Variants in NEDD4L observed in about 807,000 individuals in gnomAD.
The protein encoded by NEDD4L is E3 ubiquitin-protein ligase NEDD4-like.
A neutral mutation model predicts 148.9 loss-of-function variants in NEDD4L; 54 were observed. The ratio of observed to expected loss-of-function variants is 0.36; its 90% confidence interval spans 0.29 to 0.45. The LOEUF (loss-of-function observed/expected upper bound fraction) is 0.45, where lower values mean the gene tolerates loss of function less well. Ranked by LOEUF, NEDD4L falls within the 20% of genes least tolerant of loss-of-function variation. The pLI is 1.00. For synonymous variants in NEDD4L, 433 were observed against 440.7 expected (o/e 0.98, Z 0.22); for missense variants, 856 against 1,233.8 (o/e 0.69, Z 4.59).
intron 6 of NEDD4L, among the ~76,000 whole-genome samples, chr18:58,319,050 C>T (rs2058544502): frequency 6.6e-6 from 1 of 152,184 alleles, no homozygotes; most frequent in African/African-American, 2.4e-5. Context: ...TGACCAACAT[C>T]CTTTTACCCC....
chr18:58,197,673 C>G (rs1418053757), intron 2 of NEDD4L: 1 of 152,526 alleles, frequency 6.6e-6, no homozygotes, highest in African/African-American at 2.4e-5. Flanking sequence ...CCCATGTGAT[C>G]CCTTCCCTGC....
At position 58,349,565 on chromosome 18, in the gene NEDD4L, A is replaced by C. The variant is rs375470869; in HGVS notation, c.1604A>C (p.His535Pro). 41 of 1,613,888 alleles carry C rather than the reference A, an allele frequency of 2.5e-5. No homozygotes were observed. Among genetic ancestry groups the C allele is most frequent in the Non-Finnish European group, 3.2e-5 (38 of 1,179,878 alleles). The change falls in exon 17 of 31, where the codon CAT (histidine) becomes CCT (proline). Residue 535 changes from histidine (H) to proline (P), a missense_variant. By Grantham distance (77) the His-to-Pro change is moderately conservative. Coordinates refer to ENST00000400345, the MANE Select transcript of NEDD4L (RefSeq NM_001144967.3). The stretch of plus-strand genomic sequence containing the variant: ...GATCCACGTTTGAAATTTCCAGTAC[A>C]TATGCGGTCAAAGACATCTTTAAAC... The part of the protein sequence containing the change: ...WEDPRLKFPV[H>P]MRSKTSLNPN...
intron 18 of NEDD4L, among the ~76,000 whole-genome samples, chr18:58,356,438 C>T (rs994215185): frequency 1.3e-5 from 2 of 152,058 alleles, no homozygotes; most frequent in African/African-American, 4.8e-5. Flanking sequence ...CACAGGAATC[C>T]GTAAGGTCTT....
chr18:58,244,798 C>T (rs913616815), intron 2 of NEDD4L, among the ~76,000 whole-genome samples: 3 of 152,204 alleles, frequency 2.0e-5, no homozygotes, highest in East Asian at 3.9e-4. Context: ...CAGGTTCAAG[C>T]GATTCTTCTG....
chr18:58,310,055 CTCTT>C (rs143584432), intron 5 of NEDD4L, among the ~76,000 whole-genome samples: 3,263 of 152,330 alleles, frequency 0.021, 102 homozygotes, highest in African/African-American at 0.073. Context: ...CTTGCTCGCT[CTCTT>C]TCTCTCTCTC....
At chr18:58,081,212 CTTTT>C (rs34446805) in intron 1 of NEDD4L, among the ~76,000 whole-genome samples, 1 of 120,862 alleles carries the variant, frequency 8.3e-6, no homozygotes, top group Non-Finnish European at 1.6e-5. Context: ...GAACACCACC[CTTTT>C]TTTTTTTTTT....
In NEDD4L at chr18:58,085,202, A is replaced by C. The variant is rs117893278; in HGVS notation, c.48+40494A>C. Among the ~76,000 whole-genome samples, 30 of 152,346 alleles carry C rather than the reference A, an allele frequency of 2.0e-4. No individual in the cohort carries two copies. In the East Asian group the frequency reaches 5.8e-3, roughly 29 times the overall value. On this transcript the variant is annotated intron_variant, in intron 1 of 30. Coordinates refer to ENST00000400345, the MANE Select transcript of NEDD4L (RefSeq NM_001144967.3). ...TTCTGGGGGAACATGGTTCAACCCAATGAGAACAATGGTTATCTGTTGGGA... is the reference window on the plus strand; with the variant it reads ...TTCTGGGGGAACATGGTTCAACCCACTGAGAACAATGGTTATCTGTTGGGA...
chr18:58,250,130 G>GTT (rs768788438), intron 4 of NEDD4L, among the ~76,000 whole-genome samples: 1 of 151,678 alleles, frequency 6.6e-6, no homozygotes, highest in Non-Finnish European at 1.5e-5. Context: ...TTTTCTGAAG[G>GTT]TTTTTTTTGT....
At chr18:58,281,178 A>C (rs545642958) in intron 5 of NEDD4L, among the ~76,000 whole-genome samples, 1 of 152,012 alleles carries the variant, frequency 6.6e-6, no homozygotes, top group Non-Finnish European at 1.5e-5. Flanking sequence ...GTGTCTCACT[A>C]TGTTGCCCAA....
intron 2 of NEDD4L, among the ~76,000 whole-genome samples, chr18:58,166,487 C>T (rs1329237736): frequency 2.0e-5 from 3 of 152,152 alleles, no homozygotes; most frequent in East Asian, 1.9e-4. Flanking sequence ...TGAGGGTAGC[C>T]GTAGAGCCAC....
chr18:58,247,140 TTAGA>T lies in NEDD4L; in HGVS notation c.204+1636_204+1639del, dbSNP rs1476091066. 2.6e-5 allele frequency: 4 copies of T among 152,326 alleles called. No homozygotes were observed. In the East Asian group the frequency reaches 7.7e-4, roughly 29 times the overall value. The allele number at this position is 152,326 out of a possible 1,614,324, so 9.4% of individuals were successfully genotyped here. A position where few individuals can be genotyped will look rare whatever the true frequency, so the allele number is the denominator to read the frequency against. ...CCTTACCTCCTTTAGAGGCGGGTGC[TTAGA>T]TAGTCTAACACTTTGCTGAACATTT... On this transcript the variant is annotated intron_variant, in intron 3 of 30. Coordinates refer to ENST00000400345, the MANE Select transcript of NEDD4L (RefSeq NM_001144967.3).
At chr18:58,246,117 C>A (rs943441175) in intron 3 of NEDD4L, among the ~76,000 whole-genome samples, 6 of 152,016 alleles carry the variant, frequency 3.9e-5, no homozygotes, top group Admixed American at 2.0e-4. Flanking sequence ...ACTTAAATGC[C>A]TACAAAAACA....
At chr18:58,210,746 A>G (rs1238834271) in intron 2 of NEDD4L, among the ~76,000 whole-genome samples, 1 of 152,246 alleles carries the variant, frequency 6.6e-6, no homozygotes, top group Admixed American at 6.5e-5. Flanking sequence ...TTCATTTTAT[A>G]AAACCATCAA....
At chr18:58,082,327 C>T (rs1396637804) in intron 1 of NEDD4L, among the ~76,000 whole-genome samples, 2 of 145,686 alleles carry the variant, frequency 1.4e-5, no homozygotes, top group African/African-American at 2.5e-5. Flanking sequence ...AGGCTGGGCT[C>T]GAACTTCTGA....
chr18:58,112,376 ATT>A (rs2145683205), intron 1 of NEDD4L, among the ~76,000 whole-genome samples: 1 of 104,558 alleles, frequency 9.6e-6, no homozygotes, highest in Non-Finnish European at 2.1e-5. Flanking sequence ...TTATTTATTT[ATT>A]TATTTATTTA....
At chr18:58,278,675 A>G (rs528518416) in intron 5 of NEDD4L, among the ~76,000 whole-genome samples, 14 of 151,774 alleles carry the variant, frequency 9.2e-5, no homozygotes, top group Admixed American at 1.3e-4. Context: ...TCCCCTTTCT[A>G]TCAGTCCCTC....
At chr18:58,170,335 G>C (rs998165298) in intron 2 of NEDD4L, among the ~76,000 whole-genome samples, 1 of 144,962 alleles carries the variant, frequency 6.9e-6, no homozygotes, top group Non-Finnish European at 1.5e-5. Context: ...ACTGCTGCCC[G>C]CCTCATCACC....
chr18:58,226,272 TA>T (rs1423201405), intron 2 of NEDD4L, among the ~76,000 whole-genome samples: 1 of 152,196 alleles, frequency 6.6e-6, no homozygotes, highest in African/African-American at 2.4e-5. Context: ...TATAGTAGTT[TA>T]GACTTAGAAG....
At chr18:58,341,269 C>A in intron 14 of NEDD4L, 100 bp downstream of exon 14, 2 of 1,339,260 alleles carry the variant, frequency 1.5e-6, no homozygotes, top group Non-Finnish European at 2.0e-6. Context: ...TCTGAAAGAC[C>A]CGTATTTGTA....
Sources: gnomAD v4.1 joint callset for allele counts (sites outside exome capture counted in the v4.1 genomes callset) on GRCh38, gnomAD v4.1.1 for gene constraint, MANE v1.5 for transcripts, NCBI Gene and HGNC (gene_info 2026-07-23, HGNC 2026-07-21) for gene names.